HEXA: variants seen among roughly 807,000 people sequenced by gnomAD.
HEXA encodes the protein hexosaminidase subunit alpha.
Under a neutral mutation model 73.3 loss-of-function variants are expected in HEXA, and 54 were observed. The ratio of observed to expected loss-of-function variants is 0.74; its 90% CI spans 0.59 to 0.92. The LOEUF is 0.92. Among genes scored for constraint, HEXA ranks in the 40% least tolerant of loss-of-function variants. The pLI is 0.00. For missense variants in HEXA, 649 were observed against 653.0 expected (o/e 0.99, Z 0.07); for synonymous variants, 230 against 246.9 (o/e 0.93, Z 0.64).
intron 1 of HEXA, among the ~76,000 whole-genome samples, chr15:72,365,146 A>G (rs906909861): frequency 1.1e-4 from 17 of 152,008 alleles, no homozygotes; most frequent in African/African-American, 2.9e-4. Flanking sequence ...CTGGAGTGCA[A>G]TGGCGCGATC....
At chr15:72,362,127 AC>A (rs2088859320) in intron 1 of HEXA, among the ~76,000 whole-genome samples, 1 of 152,128 alleles carries the variant, frequency 6.6e-6, no homozygotes, top group Admixed American at 6.5e-5. Context: ...TCTTAACAGA[AC>A]CCTGAAAATG....
intron 2 of HEXA, among the ~76,000 whole-genome samples, chr15:72,356,284 T>C (rs76272447): frequency 2.6e-5 from 4 of 152,290 alleles, no homozygotes; most frequent in Admixed American, 6.5e-5. Context: ...GTACACCAGG[T>C]AGAAGTCCTG....
At position 72,342,341 on chromosome 15, in the gene HEXA, G is replaced by T. The variant is rs1595794506; in HGVS notation, c.*1736C>A. ...AAGGAACATGACCCAGGGGCTGAAG[G>T]ATGGTGTTGAAGGACCGAGTTTTAC... On this transcript the variant is annotated 3_prime_UTR_variant, in exon 14 of 14. Transcript: ENST00000268097. The T allele has an allele frequency of 6.6e-6, 1 of 152,274 alleles. No individual in the cohort carries two copies. The highest frequency in any genetic ancestry group is 1.9e-4 in the East Asian group (1 of 5,172). The allele number at this position is 152,274 out of a possible 1,614,324, so 9.4% of individuals were successfully genotyped here.
At chr15:72,371,708 C>T (rs1280139300) in intron 1 of HEXA, among the ~76,000 whole-genome samples, 1 of 151,758 alleles carries the variant, frequency 6.6e-6, no homozygotes, top group Non-Finnish European at 1.5e-5. Context: ...TACTACATAT[C>T]TACAACGTTC....
Position 72,353,728 on chromosome 15 carries a change from G to A in HEXA, c.422C>T (p.Thr141Ile), listed in dbSNP as rs754367847. 6.2e-7 allele frequency: 1 copy of A among 1,612,204 alleles called. No individual in the cohort carries two copies. The highest frequency in any genetic ancestry group is 1.1e-5 in the South Asian group (1 of 91,034). ...TVWGALRGLE[T>I]FSQLVWKSAE... Reference sequence around the variant, plus strand: ...AGATTTCCAAACAAGCTGGCTAAAAGTCTCCAGACCTAGGAAGATGTAGAG... The same window carrying A: ...AGATTTCCAAACAAGCTGGCTAAAAATCTCCAGACCTAGGAAGATGTAGAG... Residue 141 changes from threonine (T) to isoleucine (I), a missense_variant, in exon 4 of 14, where the codon ACT becomes ATT. By Grantham distance (89) the Thr-to-Ile change is moderately conservative. Transcript: ENST00000268097.
At position 72,341,809 on chromosome 15, in the gene HEXA, C is replaced by CA. The variant is rs2088557154; in HGVS notation, c.*2267dup. On this transcript the variant is annotated 3_prime_UTR_variant, in exon 14 of 14. Transcript: ENST00000268097. Reference sequence around the variant, plus strand: ...TCTTATGATCAGTGGACCAAAGGAGCAACGGTGGAGGGTGAGGAACAGCAC... The same window carrying CA: ...TCTTATGATCAGTGGACCAAAGGAGCAAACGGTGGAGGGTGAGGAACAGCAC... 6.6e-6 allele frequency: 1 copy of CA among 152,142 alleles called. No individual in the cohort carries two copies. The highest frequency in any genetic ancestry group is 2.1e-4 in the South Asian group (1 of 4,828). The allele number at this position is 152,142 out of a possible 1,614,324, so 9.4% of individuals were successfully genotyped here.
chr15:72,356,005 T>G, intron 2 of HEXA: 1 of 463,406 alleles, frequency 2.2e-6, no homozygotes. Flanking sequence ...CACGCGATGC[T>G]CCCAATGCCT....
intron 2 of HEXA, 74 bp from the exon 3 acceptor site, chr15:72,355,698 A>G: frequency 2.0e-6 from 2 of 1,014,120 alleles, no homozygotes; most frequent in Non-Finnish European, 3.1e-6. Flanking sequence ...GATATTCTAT[A>G]TAAATCACTG....
At position 72,344,125 on chromosome 15, in the gene HEXA, G is replaced by C; in HGVS notation, c.1542C>G (p.Ala514=). Residue 514 remains alanine, a synonymous_variant, in exon 14 of 14, where the codon GCC becomes GCG. Transcript: ENST00000268097. ...CACAGAAGCCTACATTGAGGGGTTG[G>C]GCCTGGACACCTCGCCTGCAAGAGG... ...RCELLRRGVQ[A]QPLNVGFCEQ... The C allele has an allele frequency of 6.2e-7, 1 of 1,613,800 alleles. No individual in the cohort carries two copies. Among genetic ancestry groups the C allele is most frequent in the Non-Finnish European group, 8.5e-7 (1 of 1,179,790 alleles).
intron 1 of HEXA, among the ~76,000 whole-genome samples, chr15:72,366,836 A>C (rs1018531623): frequency 1.3e-5 from 2 of 152,128 alleles, no homozygotes; most frequent in African/African-American, 2.4e-5. Flanking sequence ...AAGCTCTAGT[A>C]CTACATAGCT....
At chr15:72,350,418 G>A in intron 7 of HEXA, 100 bp downstream of exon 7, 2 of 1,268,918 alleles carry the variant, frequency 1.6e-6, no homozygotes, top group Non-Finnish European at 2.3e-6. Flanking sequence ...ATTCTTCTAA[G>A]GACCAAGGCT....
intron 1 of HEXA, among the ~76,000 whole-genome samples, chr15:72,369,757 A>C (rs894882011): frequency 6.6e-6 from 1 of 152,144 alleles, no homozygotes; most frequent in African/African-American, 2.4e-5. Flanking sequence ...CCTCTATATA[A>C]CAACAGGAAA....
chr15:72,348,939 G>C, intron 8 of HEXA, 140 bp downstream of exon 8: 1 of 739,192 alleles, frequency 1.4e-6, no homozygotes, highest in Non-Finnish European at 2.4e-6. Context: ...GATGGGCAGA[G>C]GAAGGCCTAA....
chr15:72,375,739 C>A lies in HEXA; in HGVS notation c.234G>T (p.Trp78Cys). 1 of 1,614,174 alleles carries A rather than the reference C, an allele frequency of 6.2e-7. No homozygotes were observed. Among genetic ancestry groups the A allele is most frequent in the Non-Finnish European group, 8.5e-7 (1 of 1,180,032 alleles). Residue 78 changes from tryptophan (W) to cysteine (C), a missense_variant, in exon 1 of 14, where the codon TGG (tryptophan) becomes TGT (cysteine). By Grantham distance (215) the Trp-to-Cys change is radical. Transcript: ENST00000268097. ...ACTCACCTGTGAGGTAAGGACGGGG[C>A]CAAGACCCGGAACCGAAAAGCAGGT... Reference protein sequence around the residue: ...YRDLLFGSGSWPRPYLTGKRH... With the variant: ...YRDLLFGSGSCPRPYLTGKRH...
rs28942072 is a variant in HEXA, at chr15:72,349,093, A to T, written c.972T>A (p.Val324=). 6.2e-7 allele frequency: 1 copy of T among 1,613,884 alleles called. No homozygotes were observed. Among genetic ancestry groups the T allele is most frequent in the Non-Finnish European group, 8.5e-7 (1 of 1,179,882 alleles). The stretch of plus-strand genomic sequence containing the variant: ...AGGGCTCATACCAGCAGGTGAAATC[A>T]ACCTCATCTCCTCCAAGATGAAGAT... The part of the protein sequence containing the change: ...DFYLHLGGDE[V]DFTCWKSNPE... The change falls in exon 8 of 14, where the codon GTT becomes GTA. Residue 324 remains valine, a synonymous_variant. Transcript: ENST00000268097.
chr15:72,353,172 TAAAG>T lies in HEXA; in HGVS notation c.462_465del (p.Phe154LeufsTer44). ...AAGTCCTCAATCTCAGTCTTGTTGATAAAGAACTGTGCAGAACAAACATTGAACA... is the reference window on the plus strand; with the variant it reads ...AAGTCCTCAATCTCAGTCTTGTTGATAACTGTGCAGAACAAACATTGAACA... On this transcript the variant is annotated frameshift_variant and splice_region_variant, in exon 5 of 14. Coordinates refer to ENST00000268097, the MANE Select transcript of HEXA (RefSeq NM_000520.6). LOFTEE classifies it high-confidence loss of function. 6.3e-7 allele frequency: 1 copy of T among 1,596,022 alleles called. No individual in the cohort carries two copies. The highest frequency in any genetic ancestry group is 8.6e-7 in the Non-Finnish European group (1 of 1,163,956).
At chr15:72,344,198 A>C (rs1464329835) in intron 13 of HEXA, 58 bp from the exon 14 acceptor site, 5 of 1,204,882 alleles carry the variant, frequency 4.1e-6, no homozygotes, top group African/African-American at 1.5e-5. Flanking sequence ...CCCCAGCAAC[A>C]CTTTTCACAC....
Position 72,348,145 on chromosome 15 carries a change from A to C in HEXA, c.987-11T>G, listed in dbSNP as rs2140322218. 2 of 1,588,086 alleles carry C rather than the reference A, an allele frequency of 1.3e-6. No homozygotes were observed. Among genetic ancestry groups the C allele is most frequent in the Non-Finnish European group, 1.7e-6 (2 of 1,156,304 alleles). ...TCTGGGTTGGACTTCCTGAATCCCA[A>C]GAGAAAATGAAGATTAATCTTTCAA... On this transcript the variant is annotated splice_polypyrimidine_tract_variant and intron_variant, in intron 8 of 13. Coordinates refer to ENST00000268097, the MANE Select transcript of HEXA (RefSeq NM_000520.6).
Position 72,356,895 on chromosome 15 carries a change from T to C in HEXA, c.254-278A>G, listed in dbSNP as rs1254424673. The C allele has an allele frequency of 2.5e-5, 13 of 516,454 alleles. No homozygotes were observed. The Admixed American group carries it at 3.1e-4, about 12-fold the overall frequency. 32.0% of individuals were successfully genotyped at this position (516,454 alleles called of 1,614,324 possible). On this transcript the variant is annotated intron_variant, in intron 1 of 13. Transcript: ENST00000268097. ...TCTATATTTCTGACTGCCCTTGGCC[T>C]GTACCAAACAAACAACTCCATGACC...
Sources: allele counts gnomAD v4.1 joint callset (sites outside exome capture counted in the v4.1 genomes callset), GRCh38; gene constraint gnomAD v4.1.1; transcripts MANE v1.5; gene names NCBI Gene and HGNC (gene_info 2026-07-23, HGNC 2026-07-21).